The following PDE4D variants were observed in gnomAD, a reference collection of about 807,000 sequenced individuals.
PDE4D encodes the protein 3',5'-cyclic-AMP phosphodiesterase 4D.
PDE4D carries 24 observed loss-of-function variants against 87.4 expected under a neutral mutation model. That is an observed-to-expected ratio of 0.27 (90% confidence interval 0.20 to 0.39). PDE4D has a LOEUF of 0.39. Ranked by LOEUF, PDE4D falls within the 10% of genes least tolerant of loss-of-function variation. The pLI is 1.00. For missense variants in PDE4D, 714 were observed against 1,041.0 expected (o/e 0.69, Z 4.32); for synonymous variants, 384 against 383.2 (o/e 1.00, Z -0.02).
At chr5:59,894,097 C>T (rs1248738288), upstream of PDE4D, among the ~76,000 whole-genome samples, 1 of 152,142 alleles carries the variant, frequency 6.6e-6, no homozygotes, top group Non-Finnish European at 1.5e-5. Context: ...CAGCTCCAGG[C>T]TGGCACGCCC....
chr5:59,672,225 C>T (rs1371057197), intron 1 of PDE4D, among the ~76,000 whole-genome samples: 1 of 152,160 alleles, frequency 6.6e-6, no homozygotes, highest in Non-Finnish European at 1.5e-5. Flanking sequence ...CTTCTCTTTG[C>T]AACTGAAGGC....
intron 1 of PDE4D, among the ~76,000 whole-genome samples, chr5:60,300,972 T>C (rs1277301896): frequency 6.6e-6 from 1 of 152,170 alleles, no homozygotes; most frequent in Non-Finnish European, 1.5e-5. Context: ...GGTTTCTCCA[T>C]GTTGGTCAGG....
chr5:59,818,437 ATCTC>A (rs1392337489), intron 1 of PDE4D, among the ~76,000 whole-genome samples: 1 of 152,232 alleles, frequency 6.6e-6, no homozygotes, highest in Non-Finnish European at 1.5e-5. Context: ...TACAACTACT[ATCTC>A]TATTATTACA....
chr5:59,401,143 T>C (rs889521950), intron 1 of PDE4D, among the ~76,000 whole-genome samples: 3 of 152,346 alleles, frequency 2.0e-5, no homozygotes, highest in African/African-American at 7.2e-5. Flanking sequence ...ACATAAAACA[T>C]AAGTAAATTT....
At chr5:59,574,280 A>T (rs1207414739) in intron 1 of PDE4D, among the ~76,000 whole-genome samples, 3 of 149,170 alleles carry the variant, frequency 2.0e-5, no homozygotes, top group African/African-American at 7.4e-5. Flanking sequence ...TACATATGTG[A>T]GTAGGAACAT....
chr5:59,108,955 A>ATGTGTGTGTGTGTG (rs57004711), intron 5 of PDE4D, among the ~76,000 whole-genome samples: 10 of 121,904 alleles, frequency 8.2e-5, no homozygotes, highest in East Asian at 2.4e-4. Context: ...TAGGAACTCA[A>ATGTGTGTGTGTGTG]TGTGTGTGTG....
chr5:60,274,843 A>G (rs1751205947), intron 1 of PDE4D, among the ~76,000 whole-genome samples: 1 of 152,208 alleles, frequency 6.6e-6, no homozygotes, highest in Non-Finnish European at 1.5e-5. Flanking sequence ...TTAAAATGCA[A>G]ATATCCAGAT....
chr5:59,688,664 A>G (rs1421066559), intron 1 of PDE4D, among the ~76,000 whole-genome samples: 1 of 152,216 alleles, frequency 6.6e-6, no homozygotes, highest in East Asian at 1.9e-4. Flanking sequence ...AAAGAACTAG[A>G]GAAGCAAGAG....
intron 1 of PDE4D, among the ~76,000 whole-genome samples, chr5:59,448,110 C>T (rs1439947634): frequency 2.6e-5 from 4 of 152,076 alleles, no homozygotes; most frequent in South Asian, 2.1e-4. Flanking sequence ...TTTAAGAAGA[C>T]GTGTATTTCT....
intron 1 of PDE4D, among the ~76,000 whole-genome samples, chr5:60,296,508 A>T (rs547237606): frequency 1.3e-5 from 2 of 152,298 alleles, no homozygotes; most frequent in African/African-American, 4.8e-5. Flanking sequence ...ATCCACACAC[A>T]CTTTCTTTCT....
intron 2 of PDE4D, among the ~76,000 whole-genome samples, chr5:60,061,883 A>G (rs1189166565): frequency 2.6e-5 from 4 of 152,180 alleles, no homozygotes; most frequent in African/African-American, 7.2e-5. Context: ...CTGAAAGTGG[A>G]CCCCTTCCTT....
At chr5:60,034,276 G>A (rs1767551215) in intron 2 of PDE4D, among the ~76,000 whole-genome samples, 1 of 152,150 alleles carries the variant, frequency 6.6e-6, no homozygotes, top group African/African-American at 2.4e-5. Flanking sequence ...CAAACTGAGT[G>A]GTTTAAAACA....
chr5:59,869,777 A>G (rs961692844), intron 1 of PDE4D, among the ~76,000 whole-genome samples: 1 of 152,178 alleles, frequency 6.6e-6, no homozygotes, highest in African/African-American at 2.4e-5. Context: ...AAATTTTCTT[A>G]CTATCTGCTA....
At chr5:60,358,518 A>G in intron 1 of PDE4D, among the ~76,000 whole-genome samples, 1 of 152,114 alleles carries the variant, frequency 6.6e-6, no homozygotes, top group Non-Finnish European at 1.5e-5. Context: ...TCTGATAGAT[A>G]TTCCCTGGGT....
At chr5:60,360,407 A>T (rs559508474) in intron 1 of PDE4D, among the ~76,000 whole-genome samples, 1 of 152,346 alleles carries the variant, frequency 6.6e-6, no homozygotes, top group East Asian at 1.9e-4. Context: ...TGCTTTTGAA[A>T]AAAGCTAAAG....
rs531568118 is a variant in PDE4D, at chr5:59,680,088, T to C, written c.455+213080A>G. ...ATTTTTAAAGTTAGGATTGCTTAAT[T>C]CCTTTTTTGAAACAAAAAGCATAAA... On this transcript the variant is annotated intron_variant, in intron 1 of 14. Transcript: ENST00000340635. Among the ~76,000 whole-genome samples the C allele has an allele frequency of 6.6e-5, 10 of 152,270 alleles. No homozygotes were observed. In the East Asian group the frequency reaches 1.9e-3, roughly 29 times the overall value.
At chr5:59,556,224 G>A (rs889955745) in intron 1 of PDE4D, among the ~76,000 whole-genome samples, 1 of 152,176 alleles carries the variant, frequency 6.6e-6, no homozygotes, top group Non-Finnish European at 1.5e-5. Flanking sequence ...ATCTGAGACA[G>A]AGTATCTCTT....
chr5:60,035,607 T>C (rs958672462), intron 2 of PDE4D, among the ~76,000 whole-genome samples: 3 of 152,156 alleles, frequency 2.0e-5, no homozygotes, highest in African/African-American at 7.2e-5. Context: ...GAAACCCATA[T>C]GATAGTCTGT....
intron 1 of PDE4D, among the ~76,000 whole-genome samples, chr5:59,773,677 A>G (rs1037681796): frequency 6.6e-6 from 1 of 152,140 alleles, no homozygotes; most frequent in Non-Finnish European, 1.5e-5. Context: ...CAAATAATAT[A>G]TTCTAAAATT....
Sources: gnomAD v4.1 joint callset for allele counts (sites outside exome capture counted in the v4.1 genomes callset) on GRCh38, gnomAD v4.1.1 for gene constraint, MANE v1.5 for transcripts, NCBI Gene and HGNC (gene_info 2026-07-23, HGNC 2026-07-21) for gene names.